The following OPHN1 variants were observed in gnomAD, a reference collection of about 807,000 sequenced individuals.
The protein encoded by OPHN1 is oligophrenin 1.
OPHN1 carries 11 observed loss-of-function variants against 60.7 expected under a neutral mutation model. That is an observed-to-expected ratio of 0.18 (90% CI 0.11 to 0.30). The LOEUF is 0.30. OPHN1 is among the 10% of genes least tolerant of loss of function. OPHN1 has a pLI of 1.00. For missense variants in OPHN1, 449 were observed against 611.0 expected, an observed-to-expected ratio of 0.73 and a Z score of 2.80; for synonymous variants, 226 against 222.6, an observed-to-expected ratio of 1.02 and a Z score of -0.14.
chrX:68,355,921 A>C (rs973019248), intron 2 of OPHN1, among the ~76,000 whole-genome samples: 1 of 110,941 alleles, frequency 9.0e-6, no homozygotes, highest in Non-Finnish European at 1.9e-5. Flanking sequence ...GTGGTGGCAC[A>C]TGCCTATAAT....
At chrX:68,402,593 C>T (rs1210439819) in intron 2 of OPHN1, among the ~76,000 whole-genome samples, 1 of 111,631 alleles carries the variant, frequency 9.0e-6, no homozygotes, top group African/African-American at 3.3e-5. Flanking sequence ...TCATTAAACC[C>T]CAAGTATAAA....
At chrX:68,298,520 T>A (rs1193187559) in intron 3 of OPHN1, among the ~76,000 whole-genome samples, 1 of 111,647 alleles carries the variant, frequency 9.0e-6, no homozygotes, top group Admixed American at 9.6e-5. Flanking sequence ...GACAGAAATA[T>A]CTTCTCCAAG....
chrX:68,261,060 G>A (rs1271685274), intron 5 of OPHN1, among the ~76,000 whole-genome samples: 1 of 111,512 alleles, frequency 9.0e-6, no homozygotes, highest in Non-Finnish European at 1.9e-5. Flanking sequence ...TGTCATCAAT[G>A]CCCTCTTGCC....
In OPHN1 at chrX:68,403,860, C is replaced by G. The variant is rs770419153; in HGVS notation, c.154+29007G>C. ...TTCTTGAGCAAAGGAAACAGTTGTA[C>G]CATCTAGACTCAGAAAAATGCTAAA... On this transcript the variant is annotated intron_variant, in intron 2 of 24. Transcript: ENST00000355520. Among the ~76,000 whole-genome samples, 3 of 108,674 alleles carry G rather than the reference C, an allele frequency of 2.8e-5. No homozygotes were observed. The East Asian group carries it at 8.8e-4, about 32-fold the overall frequency. 94.4% of individuals were successfully genotyped at this position (108,674 alleles called of 115,157 possible).
chrX:68,136,310 T>TTG (rs752216480), intron 15 of OPHN1, among the ~76,000 whole-genome samples: 10,320 of 74,790 alleles, frequency 0.14, 321 homozygotes, highest in Non-Finnish European at 0.21. Context: ...TTTTTTTTTT[T>TTG]TTTTTGTTTT....
intron 6 of OPHN1, among the ~76,000 whole-genome samples, chrX:68,223,816 A>G (rs1490475753): frequency 8.9e-6 from 1 of 111,939 alleles, no homozygotes; most frequent in Admixed American, 9.6e-5. Flanking sequence ...CATAAAAAGC[A>G]TACTTCAGAA....
chrX:68,232,594 C>T (rs970896140), intron 6 of OPHN1, among the ~76,000 whole-genome samples: 16 of 111,407 alleles, frequency 1.4e-4, no homozygotes, highest in African/African-American at 5.2e-4. Context: ...AAAAGGTGTT[C>T]GACATAAGCT....
intron 2 of OPHN1, among the ~76,000 whole-genome samples, chrX:68,378,519 C>T (rs2147739314): frequency 8.9e-6 from 1 of 111,813 alleles, no homozygotes; most frequent in Admixed American, 9.6e-5. Context: ...TGCCTATGTC[C>T]TGAATGGTAA....
At chrX:68,272,737 GAAC>G (rs1236534486) in intron 5 of OPHN1, among the ~76,000 whole-genome samples, 2 of 111,800 alleles carry the variant, frequency 1.8e-5, no homozygotes, top group Non-Finnish European at 3.8e-5. Flanking sequence ...GCATTTCTCA[GAAC>G]AACATTAGGC....
chrX:68,217,657 C>A (rs886091242), intron 6 of OPHN1, among the ~76,000 whole-genome samples: 4 of 110,543 alleles, frequency 3.6e-5, no homozygotes, highest in Non-Finnish European at 7.6e-5. Context: ...AGGCACCCCC[C>A]AGCAGGGACA....
chrX:68,093,075 A>C (rs946561008), intron 19 of OPHN1, among the ~76,000 whole-genome samples: 2 of 111,096 alleles, frequency 1.8e-5, no homozygotes, highest in African/African-American at 6.5e-5. Flanking sequence ...TCTATCAAAA[A>C]TCTTTACTAT....
intron 2 of OPHN1, among the ~76,000 whole-genome samples, chrX:68,400,608 T>C (rs1405567139): frequency 9.3e-6 from 1 of 107,878 alleles, no homozygotes; most frequent in Admixed American, 1.0e-4. Flanking sequence ...TTTTCTTTTT[T>C]CTTTTTTTTT....
At chrX:68,078,076 TTCTC>T (rs1292972456) in intron 19 of OPHN1, among the ~76,000 whole-genome samples, 1 of 110,076 alleles carries the variant, frequency 9.1e-6, no homozygotes, top group Non-Finnish European at 1.9e-5. Flanking sequence ...TAAATCCCCC[TTCTC>T]TCTCTCTCTC....
At chrX:68,396,598 T>C (rs1326522362) in intron 2 of OPHN1, among the ~76,000 whole-genome samples, 4 of 109,468 alleles carry the variant, frequency 3.7e-5, no homozygotes, top group African/African-American at 1.3e-4. Context: ...GCGGATCACC[T>C]GAGGTCAGGA....
intron 2 of OPHN1, among the ~76,000 whole-genome samples, chrX:68,319,046 A>C (rs777118772): frequency 1.4e-4 from 16 of 111,662 alleles, no homozygotes; most frequent in African/African-American, 4.9e-4. Context: ...ACGCAGTGTC[A>C]GGTTTCTCCA....
chrX:68,201,831 G>T, intron 10 of OPHN1, 121 bp from the exon 11 acceptor site: 1 of 554,423 alleles, frequency 1.8e-6, no homozygotes, highest in African/African-American at 2.2e-5. Flanking sequence ...GGAGCAATGT[G>T]TAGACTCACT....
intron 15 of OPHN1, among the ~76,000 whole-genome samples, chrX:68,139,055 C>G (rs1188188011): frequency 9.0e-6 from 1 of 111,164 alleles, no homozygotes; most frequent in Non-Finnish European, 1.9e-5. Context: ...AAACAGTCAC[C>G]AGACTATATT....
chrX:68,299,475 A>C (rs966071174), intron 2 of OPHN1, among the ~76,000 whole-genome samples: 6 of 111,628 alleles, frequency 5.4e-5, no homozygotes, highest in Admixed American at 1.9e-4. Flanking sequence ...GATGCTTTCC[A>C]TTTTATACGT....
At position 68,320,160 on chromosome X, in the gene OPHN1, G is replaced by A. The variant is rs191442603; in HGVS notation, c.155-21064C>T. On this transcript the variant is annotated intron_variant, in intron 2 of 24. Coordinates refer to ENST00000355520, the MANE Select transcript of OPHN1 (RefSeq NM_002547.3). ...AGGTCAGGAGTTCGAGACCAGCCTG[G>A]CCAACATGGCAAAACTCCATCTATA... 1.0e-3 allele frequency among the ~76,000 whole-genome samples: 113 copies of A among 110,738 alleles called. 1 individual carries two copies. The highest frequency in any genetic ancestry group is 3.6e-3 in the African/African-American group (110 of 30,493).
Sources: allele counts gnomAD v4.1 joint callset (sites outside exome capture counted in the v4.1 genomes callset), GRCh38; gene constraint gnomAD v4.1.1; transcripts MANE v1.5; gene names NCBI Gene and HGNC (gene_info 2026-07-23, HGNC 2026-07-21).